Variants in UGGT2 observed in about 807,000 individuals in gnomAD.
UGGT2 encodes the protein UDP-glucose:glycoprotein glucosyltransferase 2.
UGGT2 carries 180 observed loss-of-function variants against 192.1 expected under a neutral mutation model. That is an observed-to-expected ratio of 0.94 (90% CI 0.83 to 1.06). The LOEUF (loss-of-function observed/expected upper bound fraction) is 1.06, where lower values mean the gene tolerates loss of function less well. Ranked by LOEUF, UGGT2 falls within the 50% of genes least tolerant of loss-of-function variation. The pLI, the probability that UGGT2 is intolerant of heterozygous loss-of-function variation, is 0.00. For synonymous variants in UGGT2, 580 were observed against 591.0 expected (o/e 0.98, Z 0.27); for missense variants, 1,849 against 1,795.7 (o/e 1.03, Z -0.54).
chr13:95,977,444 G>A (rs1432034385), intron 10 of UGGT2, among the ~76,000 whole-genome samples: 1 of 151,974 alleles, frequency 6.6e-6, no homozygotes, highest in Non-Finnish European at 1.5e-5. Flanking sequence ...ACAAACATAA[G>A]AAAAAAAGTT....
intron 1 of UGGT2, among the ~76,000 whole-genome samples, chr13:96,049,999 C>A (rs1350285768): frequency 6.6e-6 from 1 of 152,130 alleles, no homozygotes; most frequent in African/African-American, 2.4e-5. Flanking sequence ...CATATGGATA[C>A]AAAAGAGAGC....
chr13:95,853,481 G>T, intron 36 of UGGT2, 62 bp downstream of exon 36: 2 of 1,326,498 alleles, frequency 1.5e-6, no homozygotes, highest in Non-Finnish European at 2.1e-6. Context: ...AAGTTTATGA[G>T]CACGGAGTTG....
At chr13:96,023,801 T>C (rs768352713) in intron 2 of UGGT2, 42 bp from the exon 3 acceptor site, 7 of 1,501,576 alleles carry the variant, frequency 4.7e-6, no homozygotes, top group Non-Finnish European at 6.3e-6. Context: ...TAGCATTTTA[T>C]ACACTGCACA....
intron 20 of UGGT2, among the ~76,000 whole-genome samples, chr13:95,903,352 T>C (rs560760516): frequency 2.0e-5 from 3 of 152,292 alleles, no homozygotes; most frequent in African/African-American, 7.2e-5. Context: ...AAACAAAATG[T>C]AGAGCTCAGT....
At chr13:95,994,806 G>C (rs1170068157) in intron 7 of UGGT2, among the ~76,000 whole-genome samples, 1 of 151,890 alleles carries the variant, frequency 6.6e-6, no homozygotes, top group Non-Finnish European at 1.5e-5. Context: ...ATGCTACAAG[G>C]CTAATAAATA....
intron 35 of UGGT2, 128 bp downstream of exon 35, chr13:95,854,187 G>T: frequency 1.1e-6 from 1 of 948,968 alleles, no homozygotes; most frequent in Non-Finnish European, 1.5e-6. Flanking sequence ...GGCATGAAAT[G>T]AACACTATGT....
chr13:95,848,493 T>C (rs1043827196), intron 36 of UGGT2, among the ~76,000 whole-genome samples: 2 of 152,200 alleles, frequency 1.3e-5, no homozygotes, highest in Admixed American at 6.5e-5. Context: ...GTGTCTAGAT[T>C]CATTTTTTTC....
At chr13:95,933,613 T>C (rs1434996606) in intron 17 of UGGT2, among the ~76,000 whole-genome samples, 1 of 152,188 alleles carries the variant, frequency 6.6e-6, no homozygotes, top group Non-Finnish European at 1.5e-5. Flanking sequence ...GGTTAGTTCA[T>C]TCTTGTTTTT....
chr13:95,946,896 G>T, intron 15 of UGGT2, 141 bp downstream of exon 15: 1 of 880,940 alleles, frequency 1.1e-6, no homozygotes, highest in South Asian at 2.7e-5. Flanking sequence ...TTCATCATCT[G>T]TATTAATCTC....
At chr13:95,915,611 G>C (rs1307339041) in intron 20 of UGGT2, among the ~76,000 whole-genome samples, 1 of 152,236 alleles carries the variant, frequency 6.6e-6, no homozygotes, top group Non-Finnish European at 1.5e-5. Context: ...TCCAGTCAGG[G>C]TTATAAGGAC....
In UGGT2 at chr13:95,939,940, A is replaced by G; in HGVS notation, c.1812+17T>C. On this transcript the variant is annotated intron_variant, in intron 16 of 38. Coordinates refer to ENST00000376747, the MANE Select transcript of UGGT2 (RefSeq NM_020121.4). ...CTGTGCCTGGCCTACTCCACTTAAC[A>G]TAATGTCCCAACTTACCTTTCTTTC... The G allele has an allele frequency of 6.3e-7, 1 of 1,584,510 alleles. No homozygotes were observed. The highest frequency in any genetic ancestry group is 1.4e-5 in the African/African-American group (1 of 73,436).
intron 20 of UGGT2, among the ~76,000 whole-genome samples, chr13:95,923,454 C>T (rs1257036454): frequency 3.3e-5 from 5 of 151,228 alleles, no homozygotes; most frequent in South Asian, 2.1e-4. Context: ...CTGCAACCTC[C>T]GCCTCCCGGG....
At chr13:96,045,328 A>C (rs1307794780) in intron 1 of UGGT2, among the ~76,000 whole-genome samples, 3 of 152,150 alleles carry the variant, frequency 2.0e-5, no homozygotes, top group African/African-American at 7.2e-5. Context: ...CATACAAGGG[A>C]CATACCTCAA....
At chr13:95,928,451 G>A (rs1319642400) in intron 17 of UGGT2, among the ~76,000 whole-genome samples, 63 of 151,436 alleles carry the variant, frequency 4.2e-4, no homozygotes, top group Admixed American at 4.1e-3. Context: ...GGCGGCTGCT[G>A]GGCGGAGGGG....
chr13:95,872,039 T>C (rs1178576818), intron 29 of UGGT2, among the ~76,000 whole-genome samples: 1 of 152,130 alleles, frequency 6.6e-6, no homozygotes, highest in Admixed American at 6.5e-5. Context: ...AAGTGTTACT[T>C]TGGCAGAAAA....
chr13:95,937,214 T>G (rs1307656625), intron 16 of UGGT2, 126 bp from the exon 17 acceptor site: 6 of 1,125,058 alleles, frequency 5.3e-6, no homozygotes, highest in Non-Finnish European at 7.4e-6. Flanking sequence ...GCTAACTTTA[T>G]CTGTCCTTTC....
rs746946144 is a variant in UGGT2, at chr13:95,925,736, C to T, written c.2239G>A (p.Ala747Thr). The T allele has an allele frequency of 2.5e-6, 4 of 1,577,582 alleles. No individual in the cohort carries two copies. In the South Asian group the frequency reaches 3.6e-5, roughly 14 times the overall value. ...CTCCCAGAAGGCTTATCAAAATCTG[C>T]AATAATCCAGAGAGTGACTGCAGAA... is the stretch of plus-strand genomic sequence containing the variant. Reference protein sequence around the residue: ...IISAVTLWIIADFDKPSGRKL... With the variant: ...IISAVTLWIITDFDKPSGRKL... The change falls in exon 20 of 39, where the codon GCA becomes ACA. Residue 747 changes from alanine (A) to threonine (T), a missense_variant. Coordinates refer to ENST00000376747, the MANE Select transcript of UGGT2 (RefSeq NM_020121.4).
chr13:95,986,552 A>G, intron 8 of UGGT2, 120 bp from the exon 9 acceptor site: 1 of 618,394 alleles, frequency 1.6e-6, no homozygotes, highest in Non-Finnish European at 2.7e-6. Flanking sequence ...AAACATGTTA[A>G]TACTGTTACA....
At chr13:95,995,771 T>C (rs2051599131) in intron 7 of UGGT2, 1 of 373,606 alleles carries the variant, frequency 2.7e-6, no homozygotes, top group Non-Finnish European at 4.9e-6. Flanking sequence ...TATTTGATGC[T>C]ATAAAAATAT....
Sources: allele counts gnomAD v4.1 joint callset (sites outside exome capture counted in the v4.1 genomes callset), GRCh38; gene constraint gnomAD v4.1.1; transcripts MANE v1.5; gene names NCBI Gene and HGNC (gene_info 2026-07-23, HGNC 2026-07-21).